CATSPER3: variants seen among roughly 807,000 people sequenced by gnomAD.
CATSPER3 encodes the protein cation channel sperm associated 3, also known as cation channel sperm-associated protein 3.
CATSPER3 carries 23 observed loss-of-function variants against 36.6 expected under a neutral mutation model. The observed-to-expected ratio is 0.63, with a 90% CI of 0.45 to 0.89. The LOEUF is 0.89. Ranked by LOEUF, CATSPER3 falls within the 40% of genes least tolerant of loss-of-function variation. The pLI, the probability that CATSPER3 is intolerant of heterozygous loss-of-function variation, is 0.00. For synonymous variants in CATSPER3, 172 were observed against 184.1 expected (o/e 0.93, Z 0.53); for missense variants, 474 against 503.9 (o/e 0.94, Z 0.57).
chr5:134,979,044 C>T (rs1751716658), intron 2 of CATSPER3, among the ~76,000 whole-genome samples: 1 of 152,106 alleles, frequency 6.6e-6, no homozygotes, highest in South Asian at 2.1e-4. Flanking sequence ...TTTTCACTGC[C>T]TTGTCCACTC....
At chr5:135,002,528 A>C (rs2149552169) in intron 3 of CATSPER3, among the ~76,000 whole-genome samples, 1 of 152,320 alleles carries the variant, frequency 6.6e-6, no homozygotes. Flanking sequence ...AGGTTGGGGA[A>C]GTTCCCCTGG....
In CATSPER3 at chr5:135,011,632, G is replaced by A. The variant is rs1387002910; in HGVS notation, c.*9G>A. ...AGGTGGATGAGAAGTAGCTGGGCAT[G>A]GGGCACCCATGTGCCGAGAGCCTTG... is the stretch of plus-strand genomic sequence containing the variant. On this transcript the variant is annotated 3_prime_UTR_variant, in exon 8 of 8. Coordinates refer to ENST00000282611, the MANE Select transcript of CATSPER3 (RefSeq NM_178019.3). 6.3e-7 allele frequency: 1 copy of A among 1,597,572 alleles called. No homozygotes were observed. Among genetic ancestry groups the A allele is most frequent in the Non-Finnish European group, 8.6e-7 (1 of 1,165,646 alleles).
chr5:134,977,585 C>G (rs1329643435), intron 2 of CATSPER3, among the ~76,000 whole-genome samples: 2 of 152,216 alleles, frequency 1.3e-5, no homozygotes, highest in African/African-American at 4.8e-5. Context: ...AGGTTCCAAA[C>G]TTTTCCTCGT....
In CATSPER3 at chr5:135,008,150, T is replaced by A. The variant is rs983811803; in HGVS notation, c.675+11T>A. ...TTCAGCTTGGCCACGGTACTGTGTT[T>A]GGGAACAGTGGTGAGGGCAGGGGCC... On this transcript the variant is annotated intron_variant, in intron 4 of 7. Transcript: ENST00000282611. 2 of 1,611,822 alleles carry A rather than the reference T, an allele frequency of 1.2e-6. No individual in the cohort carries two copies. Among genetic ancestry groups the A allele is most frequent in the Non-Finnish European group, 1.7e-6 (2 of 1,178,112 alleles).
intron 2 of CATSPER3, among the ~76,000 whole-genome samples, chr5:134,983,208 G>A (rs1452355851): frequency 1.3e-5 from 2 of 152,202 alleles, no homozygotes; most frequent in African/African-American, 4.8e-5. Flanking sequence ...TCCTTTATCT[G>A]TAATTACTTT....
rs540464281 is a variant in CATSPER3, at chr5:134,996,033, A to G, written c.253-240A>G. Among the ~76,000 whole-genome samples, 22 of 152,350 alleles carry G rather than the reference A, an allele frequency of 1.4e-4. No homozygotes were observed. In the South Asian group the frequency reaches 4.1e-3, roughly 29 times the overall value. ...CAGTCATTCTGTCTGCCAGGCAGTC[A>G]TTCCCAAGTACCCAGGGTCAGACCC... is the stretch of plus-strand genomic sequence containing the variant. On this transcript the variant is annotated intron_variant, in intron 2 of 7. Coordinates refer to ENST00000282611, the MANE Select transcript of CATSPER3 (RefSeq NM_178019.3).
At chr5:134,989,230 G>A (rs1751850636) in intron 2 of CATSPER3, among the ~76,000 whole-genome samples, 1 of 152,000 alleles carries the variant, frequency 6.6e-6, no homozygotes, top group Non-Finnish European at 1.5e-5. Flanking sequence ...CATTCTTAAG[G>A]GCTCTAGGAT....
chr5:135,004,880 G>A (rs1752065727), intron 3 of CATSPER3, among the ~76,000 whole-genome samples: 1 of 152,162 alleles, frequency 6.6e-6, no homozygotes, highest in Non-Finnish European at 1.5e-5. Context: ...AGGGCTGTCG[G>A]GGATAGGCAG....
intron 2 of CATSPER3, among the ~76,000 whole-genome samples, chr5:134,991,571 T>C (rs1751879664): frequency 6.6e-6 from 1 of 152,154 alleles, no homozygotes; most frequent in African/African-American, 2.4e-5. Context: ...CAACAAATAG[T>C]ATTTGGACAA....
rs988359137 is a variant in CATSPER3, at chr5:134,976,157, T to C, written c.252+6065T>C. Among the ~76,000 whole-genome samples, 5 of 152,314 alleles carry C rather than the reference T, an allele frequency of 3.3e-5. No individual in the cohort carries two copies. The South Asian group carries it at 1.0e-3, about 32-fold the overall frequency. On this transcript the variant is annotated intron_variant, in intron 2 of 7. Coordinates refer to ENST00000282611, the MANE Select transcript of CATSPER3 (RefSeq NM_178019.3). ...GGGTAATTTATAAATAAAAGAGGTT[T>C]TATTTTGGCTCATGGTTCTGCAGGC...
intron 5 of CATSPER3, 97 bp downstream of exon 5, chr5:135,009,078 G>A: frequency 6.5e-7 from 1 of 1,529,626 alleles, no homozygotes; most frequent in Non-Finnish European, 9.0e-7. Context: ...GTGTAGCTGT[G>A]TCTTCCCAAT....
At chr5:134,971,647 A>G (rs1011695825) in intron 2 of CATSPER3, among the ~76,000 whole-genome samples, 3 of 152,230 alleles carry the variant, frequency 2.0e-5, no homozygotes, top group African/African-American at 7.2e-5. Context: ...CTAATCCAAT[A>G]CTGGGCTAGA....
At position 134,978,080 on chromosome 5, in the gene CATSPER3, A is replaced by G. The variant is rs574213865; in HGVS notation, c.252+7988A>G. 1.8e-3 allele frequency among the ~76,000 whole-genome samples: 270 copies of G among 152,318 alleles called. 1 individual carries two copies. Among genetic ancestry groups the G allele is most frequent in the Non-Finnish European group, 2.9e-3 (195 of 68,024 alleles). On this transcript the variant is annotated intron_variant, in intron 2 of 7. Coordinates refer to ENST00000282611, the MANE Select transcript of CATSPER3 (RefSeq NM_178019.3). Reference sequence around the variant, plus strand: ...CCCCATCTCCAACACTGGGAACCACATTTCAACATGAGATTGGGAGGAGAC... The same window carrying G: ...CCCCATCTCCAACACTGGGAACCACGTTTCAACATGAGATTGGGAGGAGAC...
In CATSPER3 at chr5:135,008,278, G is replaced by T. The variant is rs1209805087; in HGVS notation, c.675+139G>T. On this transcript the variant is annotated intron_variant, in intron 4 of 7. Transcript: ENST00000282611. Reference sequence around the variant, plus strand: ...CTCATCTGGGCCTAGGGAAGCTGGGGTCTGTTCCCCATCACAAGCCAGCAC... The same window carrying T: ...CTCATCTGGGCCTAGGGAAGCTGGGTTCTGTTCCCCATCACAAGCCAGCAC... The T allele has an allele frequency of 1.5e-5, 11 of 715,560 alleles. No homozygotes were observed. The East Asian group carries it at 2.9e-4, about 19-fold the overall frequency. 44.3% of individuals were successfully genotyped at this position (715,560 alleles called of 1,614,324 possible).
At chr5:134,985,433 CAGAA>C (rs1751796668) in intron 2 of CATSPER3, among the ~76,000 whole-genome samples, 1 of 152,006 alleles carries the variant, frequency 6.6e-6, no homozygotes, top group Non-Finnish European at 1.5e-5. Context: ...ACAGTGAACT[CAGAA>C]GGGGGAGGTT....
At chr5:134,977,527 C>A (rs1751688551) in intron 2 of CATSPER3, among the ~76,000 whole-genome samples, 1 of 152,142 alleles carries the variant, frequency 6.6e-6, no homozygotes, top group African/African-American at 2.4e-5. Context: ...CTTCACTGTC[C>A]ATGTCTTTAT....
At chr5:134,974,707 G>A (rs1201138213) in intron 2 of CATSPER3, among the ~76,000 whole-genome samples, 2 of 152,154 alleles carry the variant, frequency 1.3e-5, no homozygotes, top group Non-Finnish European at 2.9e-5. Flanking sequence ...GGTATCAGAG[G>A]CAGTCGAGGT....
At position 135,008,140 on chromosome 5, in the gene CATSPER3, G is replaced by A. The variant is rs377308953; in HGVS notation, c.675+1G>A. On this transcript the variant is annotated splice_donor_variant, in intron 4 of 7. Transcript: ENST00000282611. LOFTEE classifies it high-confidence loss of function. Reference sequence around the variant, plus strand: ...TTTCACCCTCTTCAGCTTGGCCACGGTACTGTGTTTGGGAACAGTGGTGAG... The same window carrying A: ...TTTCACCCTCTTCAGCTTGGCCACGATACTGTGTTTGGGAACAGTGGTGAG... The A allele has an allele frequency of 6.2e-7, 1 of 1,613,696 alleles. No individual in the cohort carries two copies. The highest frequency in any genetic ancestry group is 8.5e-7 in the Non-Finnish European group (1 of 1,179,674).
At chr5:134,999,761 A>G (rs1186254515) in intron 3 of CATSPER3, among the ~76,000 whole-genome samples, 1 of 152,194 alleles carries the variant, frequency 6.6e-6, no homozygotes, top group Non-Finnish European at 1.5e-5. Flanking sequence ...TTGATTTTGT[A>G]TCCTGAGACT....
Sources: gnomAD v4.1 joint callset for allele counts (sites outside exome capture counted in the v4.1 genomes callset) on GRCh38, gnomAD v4.1.1 for gene constraint, MANE v1.5 for transcripts, NCBI Gene and HGNC (gene_info 2026-07-23, HGNC 2026-07-21) for gene names.